SPRED3: variants seen among roughly 807,000 people sequenced by gnomAD.
SPRED3 encodes sprouty-related, EVH1 domain-containing protein 3.
SPRED3 carries 23 observed loss-of-function variants against 37.6 expected under a neutral mutation model. The ratio of observed to expected loss-of-function variants is 0.61; its 90% CI spans 0.44 to 0.87. The LOEUF is 0.87. Among genes scored for constraint, SPRED3 ranks in the 40% least tolerant of loss-of-function variants. The pLI, the probability that SPRED3 is intolerant of heterozygous loss-of-function variation, is 0.00. For missense variants in SPRED3, 584 were observed against 618.6 expected, an observed-to-expected ratio of 0.94 and a Z score of 0.59; for synonymous variants, 302 against 279.6, an observed-to-expected ratio of 1.08 and a Z score of -0.80.
chr19:38,395,529 C>T lies in SPRED3; in HGVS notation c.617C>T (p.Pro206Leu), dbSNP rs1452033580. The change falls in exon 6 of 6, where the codon CCC becomes CTC. Residue 206 changes from proline to leucine, a missense_variant. Physicochemically the swap from Pro to Leu is moderately conservative, Grantham distance 98 (BLOSUM62 -3). Coordinates refer to ENST00000691638, the MANE Select transcript of SPRED3 (RefSeq NM_001394336.1). This position sits in a 1 kb window ranked among gnomAD's most constrained non-coding sequence, Gnocchi z 5.2. ...ACGGGGATTCCGGAACCCTCAGAGC[C>T]CCTGGCAGGGGCAGGGGGCCTGGGG... ...PFTGIPEPSE[P>L]LAGAGGLGWG... The T allele has an allele frequency of 6.5e-7, 1 of 1,543,226 alleles. No homozygotes were observed. The highest frequency in any genetic ancestry group is 8.7e-7 in the Non-Finnish European group (1 of 1,150,280).
chr19:38,390,234 C>A, intron 1 of SPRED3, 65 bp from the exon 2 acceptor site: 5 of 1,310,288 alleles, frequency 3.8e-6, no homozygotes, highest in Non-Finnish European at 4.9e-6. Flanking sequence ...AGGGAACATT[C>A]CATGGGAGAG....
rs763121662 is a variant in SPRED3, at chr19:38,392,233, C to T, written c.368C>T (p.Ser123Phe). Residue 123 changes from serine (S) to phenylalanine (F), a missense_variant, in exon 4 of 6, where the codon TCC becomes TTC. Ser to Phe is a radical substitution (Grantham distance 155). Transcript: ENST00000691638. ...CCAGGCTCACTCACCCCCTCCTCCT[C>T]CTCCTCCTCCTCCTCTCCTTCCCAG... ...LGRGSLTPSS[S>F]SSSSSPSQDT... 7 of 1,594,274 alleles carry T rather than the reference C, an allele frequency of 4.4e-6. No individual in the cohort carries two copies. The highest frequency in any genetic ancestry group is 6.0e-6 in the Non-Finnish European group (7 of 1,169,578).
chr19:38,392,494 A>G (rs1970845615), intron 4 of SPRED3: 1 of 558,102 alleles, frequency 1.8e-6, no homozygotes, highest in Non-Finnish European at 2.9e-6. Context: ...AAGGGTCCTT[A>G]TTGTGTACCT....
In SPRED3 at chr19:38,394,411, G is replaced by T. The variant is rs757907935; in HGVS notation, c.424-232G>T. 7.2e-6 allele frequency: 11 copies of T among 1,536,518 alleles called. No individual in the cohort carries two copies. In the Admixed American group the frequency reaches 1.0e-4, roughly 14 times the overall value. On this transcript the variant is annotated intron_variant, in intron 4 of 5. Transcript: ENST00000691638. ...TGTGCCCTTGACAGTGGCCCTAACCGCATCCTTATGAATAGGTACTCTTAG... is the reference window on the plus strand; with the variant it reads ...TGTGCCCTTGACAGTGGCCCTAACCTCATCCTTATGAATAGGTACTCTTAG...
chr19:38,390,071 G>C (rs1047908870), intron 1 of SPRED3: 2 of 396,440 alleles, frequency 5.0e-6, no homozygotes, highest in African/African-American at 4.1e-5. Flanking sequence ...GGCAGACATG[G>C]AGAAGAAGAT....
rs551747204 is a variant in SPRED3, at chr19:38,396,398, C to G, written c.*253C>G. On this transcript the variant is annotated 3_prime_UTR_variant, in exon 6 of 6. Coordinates refer to ENST00000691638, the MANE Select transcript of SPRED3 (RefSeq NM_001394336.1). ...TTCTGGCGTTCCCCCACCCCCACAC[C>G]CCACGAGGAGGCTCCAGGCGTCCCC... is the stretch of plus-strand genomic sequence containing the variant. 2 of 307,078 alleles carry G rather than the reference C, an allele frequency of 6.5e-6. No individual in the cohort carries two copies. Among genetic ancestry groups the G allele is most frequent in the Non-Finnish European group, 1.2e-5 (2 of 168,864 alleles). 19.0% of individuals were successfully genotyped at this position (307,078 alleles called of 1,614,324 possible). A position where few individuals can be genotyped will look rare whatever the true frequency, so the allele number is the denominator to read the frequency against.
intron 2 of SPRED3, 136 bp downstream of exon 2, chr19:38,390,615 T>G: frequency 3.0e-6 from 2 of 665,998 alleles, no homozygotes; most frequent in Non-Finnish European, 4.4e-6. Context: ...AGTGAATATC[T>G]GTCCTGTAGA....
chr19:38,395,706 C>A lies in SPRED3; in HGVS notation c.794C>A (p.Ala265Asp). ...PAALPAPLTE[A>D]APPAPPARPP... ...GCACTACCTGCCCCTTTGACCGAGG[C>A]TGCGCCCCCAGCGCCCCCCGCTCGC... is the stretch of plus-strand genomic sequence containing the variant. The change falls in exon 6 of 6, where the codon GCT becomes GAT. Residue 265 changes from alanine to aspartate, a missense_variant. Physicochemically the swap from Ala to Asp is moderately radical, Grantham distance 126. Coordinates refer to ENST00000691638, the MANE Select transcript of SPRED3 (RefSeq NM_001394336.1). This position sits in a 1 kb window ranked among gnomAD's most constrained non-coding sequence, Gnocchi z 5.2. 1.4e-6 allele frequency: 2 copies of A among 1,463,902 alleles called. No individual in the cohort carries two copies. Among genetic ancestry groups the A allele is most frequent in the Non-Finnish European group, 8.9e-7 (1 of 1,119,016 alleles). 90.7% of individuals were successfully genotyped at this position (1,463,902 alleles called of 1,614,324 possible).
chr19:38,389,123 C>T (rs2145148275), intron 1 of SPRED3, among the ~76,000 whole-genome samples: 1 of 152,350 alleles, frequency 6.6e-6, no homozygotes, highest in East Asian at 1.9e-4. Flanking sequence ...CCTGAAATGC[C>T]AGTGCCCCAT....
rs1970892419 is a variant in SPRED3, at chr19:38,395,965, G to C, written c.1053G>C (p.Ser351=). Residue 351 remains serine (S), a synonymous_variant, in exon 6 of 6, where the codon TCG becomes TCC. Coordinates refer to ENST00000691638, the MANE Select transcript of SPRED3 (RefSeq NM_001394336.1). This position sits in a 1 kb window ranked among gnomAD's most constrained non-coding sequence, Gnocchi z 5.2. ...HCLSDAEGDF[S]DPCACEPGHP... is the part of the protein sequence containing the mutation. ...TGTCGGACGCCGAGGGCGACTTCTC[G>C]GACCCGTGCGCCTGCGAGCCGGGCC... 1 of 1,471,066 alleles carries C rather than the reference G, an allele frequency of 6.8e-7. No homozygotes were observed. Among genetic ancestry groups the C allele is most frequent in the Non-Finnish European group, 9.0e-7 (1 of 1,117,010 alleles). 91.1% of individuals were successfully genotyped at this position (1,471,066 alleles called of 1,614,324 possible). A position where few individuals can be genotyped will look rare whatever the true frequency, so the allele number is the denominator to read the frequency against.
In SPRED3 at chr19:38,398,782, C is replaced by G. The variant is rs1183440964; in HGVS notation, c.*2637C>G. ...AAGCATCTGGAACTGTGCACTTAAC[C>G]TTTCTTCATTACCCAGACTTGGATG... On this transcript the variant is annotated 3_prime_UTR_variant, in exon 6 of 6. Transcript: ENST00000691638. 3.9e-5 allele frequency: 6 copies of G among 152,248 alleles called. No homozygotes were observed. The highest frequency in any genetic ancestry group is 3.9e-4 in the Admixed American group (6 of 15,282). 9.4% of individuals were successfully genotyped at this position (152,248 alleles called of 1,614,324 possible).
chr19:38,392,630 A>G (rs913500861), intron 4 of SPRED3: 23 of 182,322 alleles, frequency 1.3e-4, no homozygotes, highest in Admixed American at 1.1e-3. Flanking sequence ...ATAAACAATA[A>G]AAATGAATAA....
In SPRED3 at chr19:38,395,093, A is replaced by T. The variant is rs1020131493; in HGVS notation, c.567+307A>T. ...ATATTTGGGGAACTCCTGGAAGAGG[A>T]CTGTTAAATTCACGGGGAGGGTGGG... On this transcript the variant is annotated intron_variant, in intron 5 of 5. Transcript: ENST00000691638. The surrounding 1 kb of genome is among the most constrained non-coding windows in gnomAD (Gnocchi z 5.2). Among the ~76,000 whole-genome samples the T allele has an allele frequency of 2.0e-5, 3 of 152,098 alleles. No homozygotes were observed. The highest frequency in any genetic ancestry group is 1.3e-4 in the Admixed American group (2 of 15,268).
chr19:38,390,775 C>CCG (rs948431603), intron 2 of SPRED3, among the ~76,000 whole-genome samples: 2 of 124,628 alleles, frequency 1.6e-5, no homozygotes, highest in African/African-American at 5.9e-5. Flanking sequence ...CCCCCCCCCC[C>CCG]CCGCCCCGAC....
At position 38,397,595 on chromosome 19, in the gene SPRED3, C is replaced by G. The variant is rs1970913406; in HGVS notation, c.*1450C>G. On this transcript the variant is annotated 3_prime_UTR_variant, in exon 6 of 6. Transcript: ENST00000691638. Reference sequence around the variant, plus strand: ...TTGCCTCTACACCTGATTCCCCCATCCCCACTTGTCGGACCTCAGAGACCT... The same window carrying G: ...TTGCCTCTACACCTGATTCCCCCATGCCCACTTGTCGGACCTCAGAGACCT... 1 of 152,244 alleles carries G rather than the reference C, an allele frequency of 6.6e-6. No individual in the cohort carries two copies. Among genetic ancestry groups the G allele is most frequent in the African/African-American group, 2.4e-5 (1 of 41,436 alleles). The allele number at this position is 152,244 out of a possible 1,614,324, so 9.4% of individuals were successfully genotyped here.
rs1266895354 is a variant in SPRED3 at position 38,388,752 on chromosome 19, A to AAGG, written c.-47_-45dup. On this transcript the variant is annotated 5_prime_UTR_variant, in exon 1 of 6. Coordinates refer to ENST00000691638, the MANE Select transcript of SPRED3 (RefSeq NM_001394336.1). The stretch of plus-strand genomic sequence containing the variant: ...GAGCCAGCCAGGGAGCCGGAACGAA[A>AAGG]AGGAGGAGGAGGAGGCCGCGTCGCC... The AAGG allele has an allele frequency of 3.8e-5, 15 of 397,476 alleles. No homozygotes were observed. The highest frequency in any genetic ancestry group is 1.9e-4 in the African/African-American group (9 of 48,492). The allele number at this position is 397,476 out of a possible 1,614,324, so 24.6% of individuals were successfully genotyped here.
rs1473476548 is a variant in SPRED3 at position 38,395,235 on chromosome 19, G to T, written c.568-245G>T. Reference sequence around the variant, plus strand: ...CAAGGTAGAGGGGGCTGGGAGCTGGGGCTCTTGGATCTTAAGAGAGGACAG... The same window carrying T: ...CAAGGTAGAGGGGGCTGGGAGCTGGTGCTCTTGGATCTTAAGAGAGGACAG... On this transcript the variant is annotated intron_variant, in intron 5 of 5. Transcript: ENST00000691638. The surrounding 1 kb of genome is among the most constrained non-coding windows in gnomAD (Gnocchi z 5.2). Among the ~76,000 whole-genome samples, 2 of 152,080 alleles carry T rather than the reference G, an allele frequency of 1.3e-5. No homozygotes were observed. Among genetic ancestry groups the T allele is most frequent in the African/African-American group, 4.8e-5 (2 of 41,408 alleles).
chr19:38,390,780 C>T (rs971640597), intron 2 of SPRED3, among the ~76,000 whole-genome samples: 2 of 138,494 alleles, frequency 1.4e-5, no homozygotes, highest in South Asian at 2.7e-4. Context: ...CCCCCCCCGC[C>T]CCGACTCACA....
chr19:38,397,591 C>T lies in SPRED3; in HGVS notation c.*1446C>T, dbSNP rs570861503. On this transcript the variant is annotated 3_prime_UTR_variant, in exon 6 of 6. Transcript: ENST00000691638. Reference sequence around the variant, plus strand: ...CAAGTTGCCTCTACACCTGATTCCCCCATCCCCACTTGTCGGACCTCAGAG... The same window carrying T: ...CAAGTTGCCTCTACACCTGATTCCCTCATCCCCACTTGTCGGACCTCAGAG... 1.3e-5 allele frequency: 2 copies of T among 152,362 alleles called. No homozygotes were observed. Among genetic ancestry groups the T allele is most frequent in the South Asian group, 4.1e-4 (2 of 4,820 alleles). 9.4% of individuals were successfully genotyped at this position (152,362 alleles called of 1,614,324 possible). A position where few individuals can be genotyped will look rare whatever the true frequency, so the allele number is the denominator to read the frequency against.
Sources: gnomAD v4.1 joint callset for allele counts (sites outside exome capture counted in the v4.1 genomes callset) on GRCh38, gnomAD v4.1.1 for gene constraint, Gnocchi (gnomAD v3.1) non-coding constraint, MANE v1.5 for transcripts, NCBI Gene and HGNC (gene_info 2026-07-23, HGNC 2026-07-21) for gene names.